Variants in ZBTB20 observed in about 807,000 individuals in gnomAD.
ZBTB20 encodes the protein zinc finger and BTB domain-containing protein 20.
Under a neutral mutation model 56.9 loss-of-function variants are expected in ZBTB20, and 9 were observed. The observed-to-expected ratio is 0.16, with a 90% CI of 0.10 to 0.28. ZBTB20 has a LOEUF of 0.28. ZBTB20 is among the 10% of genes least tolerant of loss of function. The pLI is 1.00. For missense variants in ZBTB20, 655 were observed against 1,003.0 expected, an observed-to-expected ratio of 0.65 and a Z score of 4.69; for synonymous variants, 417 against 420.7, an observed-to-expected ratio of 0.99 and a Z score of 0.11.
At chr3:114,452,668 A>G (rs1196047935) in intron 7 of ZBTB20, among the ~76,000 whole-genome samples, 1 of 152,168 alleles carries the variant, frequency 6.6e-6, no homozygotes, top group East Asian at 1.9e-4. Flanking sequence ...GCATTCTATA[A>G]TTATGGAAAA....
intron 2 of ZBTB20, among the ~76,000 whole-genome samples, chr3:115,066,100 A>T (rs2082197922): frequency 6.6e-6 from 1 of 152,082 alleles, no homozygotes; most frequent in Non-Finnish European, 1.5e-5. Context: ...TAACACACTT[A>T]TCCTAACTTT....
chr3:114,610,563 G>A (rs148897547), intron 6 of ZBTB20, among the ~76,000 whole-genome samples: 2 of 152,328 alleles, frequency 1.3e-5, no homozygotes, highest in East Asian at 1.9e-4. Context: ...GGCCTTGTAC[G>A]TAACTGGGGT....
chr3:114,652,827 C>T (rs1441743539), intron 6 of ZBTB20, among the ~76,000 whole-genome samples: 1 of 151,868 alleles, frequency 6.6e-6, no homozygotes, highest in Non-Finnish European at 1.5e-5. Context: ...ACGGATTTTT[C>T]TCTAAGGCCT....
chr3:114,565,245 G>T (rs781436807), intron 6 of ZBTB20, among the ~76,000 whole-genome samples: 1 of 152,040 alleles, frequency 6.6e-6, no homozygotes, highest in African/African-American at 2.4e-5. Flanking sequence ...TGATCAAGAC[G>T]GTGAAATACA....
At chr3:114,960,768 G>C (rs1405975157) in intron 3 of ZBTB20, among the ~76,000 whole-genome samples, 3 of 152,064 alleles carry the variant, frequency 2.0e-5, no homozygotes, top group African/African-American at 7.2e-5. Context: ...TCCAGTCTTA[G>C]GGAGATCCAA....
At chr3:114,878,706 T>C (rs890361230) in intron 4 of ZBTB20, among the ~76,000 whole-genome samples, 1 of 151,902 alleles carries the variant, frequency 6.6e-6, no homozygotes, top group African/African-American at 2.4e-5. Flanking sequence ...CCTTGACACA[T>C]GGAAAAGGAG....
chr3:114,726,911 CAAAAAAAAAAAAAAAA>C (rs35565597), intron 5 of ZBTB20, among the ~76,000 whole-genome samples: 4 of 49,294 alleles, frequency 8.1e-5, no homozygotes, highest in Admixed American at 3.7e-4. Flanking sequence ...GACTCCATCA[CAAAAAAAAAAAAAAAA>C]AAAAAAAAAA....
chr3:114,580,195 T>C (rs545383120), intron 6 of ZBTB20, among the ~76,000 whole-genome samples: 1 of 151,778 alleles, frequency 6.6e-6, no homozygotes, highest in South Asian at 2.1e-4. Flanking sequence ...ATATAAGAAC[T>C]GTTTAATATC....
At chr3:114,992,273 C>T (rs1174165088) in intron 2 of ZBTB20, among the ~76,000 whole-genome samples, 1 of 151,826 alleles carries the variant, frequency 6.6e-6, no homozygotes, top group Non-Finnish European at 1.5e-5. Context: ...AAATCAAGTG[C>T]TAAATATATT....
intron 2 of ZBTB20, among the ~76,000 whole-genome samples, chr3:115,062,276 CATTGAAACTTACA>C (rs1300154547): frequency 2.6e-5 from 4 of 152,212 alleles, no homozygotes; most frequent in Non-Finnish European, 5.9e-5. Flanking sequence ...AAAGTGTCAG[CATTGAAACTTACA>C]ATTCTCTCTC....
At chr3:114,717,189 A>T (rs2064545387) in intron 5 of ZBTB20, among the ~76,000 whole-genome samples, 2 of 152,170 alleles carry the variant, frequency 1.3e-5, no homozygotes. Context: ...GTGAGGGCTA[A>T]CTAACAAGAT....
chr3:114,430,578 G>C (rs958301235), intron 7 of ZBTB20, among the ~76,000 whole-genome samples: 1 of 152,106 alleles, frequency 6.6e-6, no homozygotes, highest in Non-Finnish European at 1.5e-5. Context: ...AAATATATGA[G>C]CATGAGCAAA....
rs13094732 is a variant in ZBTB20 at position 114,525,443 on chromosome 3, C to T, written c.-294-25052G>A. 4.7e-3 allele frequency among the ~76,000 whole-genome samples: 721 copies of T among 152,200 alleles called. 3 individuals carry two copies. Among genetic ancestry groups the T allele is most frequent in the Non-Finnish European group, 7.6e-3 (516 of 67,984 alleles). On this transcript the variant is annotated intron_variant, in intron 6 of 11. Coordinates refer to ENST00000675478, the MANE Select transcript of ZBTB20 (RefSeq NM_001348800.3). ...CCAAAACACCATGTTCATTTCTATT[C>T]AGATGATTTCATCATATTTCTCCCT...
intron 5 of ZBTB20, among the ~76,000 whole-genome samples, chr3:114,722,507 TGAA>T (rs1163028209): frequency 6.6e-6 from 1 of 152,198 alleles, no homozygotes; most frequent in Non-Finnish European, 1.5e-5. Context: ...TAATTTCAAC[TGAA>T]GAAGAGATTT....
intron 2 of ZBTB20, among the ~76,000 whole-genome samples, chr3:115,045,307 T>C (rs1026415139): frequency 6.6e-6 from 1 of 152,168 alleles, no homozygotes. Context: ...CATAAATACA[T>C]ATTTTTACAT....
At chr3:114,414,889 T>C (rs1445675680) in intron 7 of ZBTB20, among the ~76,000 whole-genome samples, 3 of 151,726 alleles carry the variant, frequency 2.0e-5, no homozygotes, top group African/African-American at 4.8e-5. Context: ...CTATACTCCT[T>C]TCTCTGGGGT....
intron 7 of ZBTB20, among the ~76,000 whole-genome samples, chr3:114,417,098 C>T (rs567265177): frequency 2.0e-5 from 3 of 152,102 alleles, no homozygotes; most frequent in South Asian, 2.1e-4. Context: ...AAAATAAAGG[C>T]GTTAACTTCT....
intron 10 of ZBTB20, among the ~76,000 whole-genome samples, chr3:114,373,880 T>C (rs1342896471): frequency 1.3e-5 from 2 of 152,130 alleles, no homozygotes; most frequent in African/African-American, 2.4e-5. Context: ...CCCAGTTAAA[T>C]TGGTGTTGTA....
At chr3:115,060,163 T>C (rs1162890090) in intron 2 of ZBTB20, among the ~76,000 whole-genome samples, 1 of 152,212 alleles carries the variant, frequency 6.6e-6, no homozygotes, top group African/African-American at 2.4e-5. Flanking sequence ...TGATTCTATT[T>C]TTAAGAGAAT....
Sources: gnomAD v4.1 joint callset for allele counts (sites outside exome capture counted in the v4.1 genomes callset) on GRCh38, gnomAD v4.1.1 for gene constraint, MANE v1.5 for transcripts, NCBI Gene and HGNC (gene_info 2026-07-23, HGNC 2026-07-21) for gene names.